WIPF2: variants seen among roughly 807,000 people sequenced by gnomAD.
WIPF2 encodes the protein WAS/WASL interacting protein family member 2, also known as WAS/WASL-interacting protein family member 2.
In WIPF2, 23 loss-of-function variants were observed where a neutral mutation model predicts 38.8. The ratio of observed to expected loss-of-function variants is 0.59; its 90% CI spans 0.43 to 0.84. WIPF2 has a LOEUF of 0.84. Ranked by LOEUF, WIPF2 falls within the 40% of genes least tolerant of loss-of-function variation. The probability of loss-of-function intolerance (pLI) is 0.00; values close to 1 mark genes in which losing one functional copy is unlikely to be tolerated. For synonymous variants in WIPF2, 210 were observed against 223.2 expected (o/e 0.94, Z 0.53); for missense variants, 574 against 580.5 (o/e 0.99, Z 0.11).
chr17:40,260,116 A>G (rs553965995), intron 2 of WIPF2, among the ~76,000 whole-genome samples: 3 of 151,364 alleles, frequency 2.0e-5, no homozygotes, highest in Non-Finnish European at 4.4e-5. Flanking sequence ...ATGAGGTTAG[A>G]TAGACATCTC....
intron 1 of WIPF2, among the ~76,000 whole-genome samples, chr17:40,248,163 CT>C (rs60359132): frequency 0.18 from 8,732 of 47,544 alleles, 813 homozygotes; most frequent in East Asian, 0.28. Flanking sequence ...AAAGTTATTT[CT>C]TTTTTTTTTT....
chr17:40,220,141 AT>A (rs75927307), intron 1 of WIPF2, among the ~76,000 whole-genome samples: 268 of 144,230 alleles, frequency 1.9e-3, no homozygotes, highest in African/African-American at 2.7e-3. Flanking sequence ...GGAAGATGGA[AT>A]TTTTTTTTTT....
In WIPF2 at chr17:40,236,044, C is replaced by T. The variant is rs1195583012; in HGVS notation, c.-70+16552C>T. On this transcript the variant is annotated intron_variant, in intron 1 of 7. Coordinates refer to ENST00000323571, the MANE Select transcript of WIPF2 (RefSeq NM_133264.5). ...TGGGATCTCGGCTCACTGCAACCTC[C>T]GCCTCCCATATTCAAGCGATTCTCC... 2.0e-5 allele frequency among the ~76,000 whole-genome samples: 3 copies of T among 151,738 alleles called. No homozygotes were observed. The South Asian group carries it at 6.3e-4, about 32-fold the overall frequency.
In WIPF2 at chr17:40,278,164, CTTTAT is replaced by C. The variant is rs1356655827; in HGVS notation, c.1283-17_1283-13del. ...GGTGGGTGACCTGTATGTGTGTGGTCTTTATTTTGTTTTTTTTCAGCTGCCCGTGG... is the reference window on the plus strand; with the variant it reads ...GGTGGGTGACCTGTATGTGTGTGGTCTTTGTTTTTTTTCAGCTGCCCGTGG... On this transcript the variant is annotated splice_polypyrimidine_tract_variant and intron_variant, in intron 7 of 7. Transcript: ENST00000323571. The C allele has an allele frequency of 8.1e-6, 13 of 1,609,540 alleles. No homozygotes were observed. The highest frequency in any genetic ancestry group is 1.0e-5 in the Non-Finnish European group (12 of 1,177,928).
chr17:40,263,009 A>G (rs1276309970), intron 4 of WIPF2, among the ~76,000 whole-genome samples: 2 of 152,176 alleles, frequency 1.3e-5, no homozygotes, highest in Non-Finnish European at 2.9e-5. Flanking sequence ...AGTTGAACTC[A>G]CTCGTAGAAG....
intron 1 of WIPF2, among the ~76,000 whole-genome samples, chr17:40,227,108 C>T (rs931588814): frequency 2.0e-5 from 3 of 151,902 alleles, no homozygotes; most frequent in Admixed American, 6.6e-5. Flanking sequence ...GTGGCAAGAT[C>T]TGGGCTCACT....
intron 1 of WIPF2, among the ~76,000 whole-genome samples, chr17:40,247,453 A>G (rs914890326): frequency 5.3e-5 from 8 of 151,130 alleles, no homozygotes; most frequent in African/African-American, 1.7e-4. Context: ...TCCTGACCTC[A>G]AGTGATCCAC....
intron 1 of WIPF2, among the ~76,000 whole-genome samples, chr17:40,224,938 C>T (rs976124448): frequency 6.6e-6 from 1 of 151,838 alleles, no homozygotes; most frequent in Non-Finnish European, 1.5e-5. Context: ...CTTGTTGCTA[C>T]TATTCTTCAC....
In WIPF2 at chr17:40,235,980, A is replaced by T. The variant is rs563945090; in HGVS notation, c.-70+16488A>T. Among the ~76,000 whole-genome samples, 271 of 147,770 alleles carry T rather than the reference A, an allele frequency of 1.8e-3. 2 individuals are homozygous for T. The highest frequency in any genetic ancestry group is 6.5e-3 in the African/African-American group (261 of 39,942). ...TAAAAAAATTTTTTTTTTTTTTGAG[A>T]TGGAGTCTTGCTCTGTCACCCAGGC... On this transcript the variant is annotated intron_variant, in intron 1 of 7. Transcript: ENST00000323571.
chr17:40,267,604 A>G lies in WIPF2; in HGVS notation c.970+2458A>G, dbSNP rs937403787. Among the ~76,000 whole-genome samples the G allele has an allele frequency of 3.3e-5, 5 of 152,210 alleles. No individual in the cohort carries two copies. The East Asian group carries it at 5.8e-4, about 18-fold the overall frequency. On this transcript the variant is annotated intron_variant, in intron 5 of 7. Coordinates refer to ENST00000323571, the MANE Select transcript of WIPF2 (RefSeq NM_133264.5). ...GCCCAGGCTGGAGTGCAGTGGTGCA[A>G]TCTCTGCTCATTGCAACCTCTTCCT...
At chr17:40,256,645 A>G in intron 2 of WIPF2, 123 bp downstream of exon 2, 1 of 1,300,122 alleles carries the variant, frequency 7.7e-7, no homozygotes, top group Non-Finnish European at 1.0e-6. Flanking sequence ...TACTAGTAGC[A>G]TTCCTATTCT....
At chr17:40,238,128 A>G (rs1336051999) in intron 1 of WIPF2, among the ~76,000 whole-genome samples, 1 of 151,316 alleles carries the variant, frequency 6.6e-6, no homozygotes, top group East Asian at 2.0e-4. Flanking sequence ...ACGTGCTGGG[A>G]TTACAGACGT....
At chr17:40,274,210 A>C (rs1408593481) in intron 6 of WIPF2, among the ~76,000 whole-genome samples, 1 of 152,116 alleles carries the variant, frequency 6.6e-6, no homozygotes, top group Admixed American at 6.6e-5. Context: ...GATGCTTTGG[A>C]GTAGATTGAA....
chr17:40,276,336 T>C (rs1003182346), intron 6 of WIPF2, among the ~76,000 whole-genome samples: 3 of 151,876 alleles, frequency 2.0e-5, no homozygotes, highest in African/African-American at 7.3e-5. Flanking sequence ...AAGACCAGCC[T>C]GGCCAACATG....
chr17:40,243,740 A>T (rs1189202010), intron 1 of WIPF2, among the ~76,000 whole-genome samples: 1 of 151,724 alleles, frequency 6.6e-6, no homozygotes, highest in Admixed American at 6.6e-5. Context: ...AGGCTGGTCT[A>T]AAACTCCTGA....
chr17:40,254,977 G>A (rs910438672), intron 1 of WIPF2, among the ~76,000 whole-genome samples: 5 of 152,014 alleles, frequency 3.3e-5, no homozygotes, highest in African/African-American at 1.2e-4. Flanking sequence ...TGATTCACCT[G>A]CCTTCCTCGG....
chr17:40,277,167 C>A lies in WIPF2; in HGVS notation c.1265C>A (p.Pro422His), dbSNP rs767113578. 1 of 1,610,876 alleles carries A rather than the reference C, an allele frequency of 6.2e-7. No individual in the cohort carries two copies. The highest frequency in any genetic ancestry group is 1.1e-5 in the South Asian group (1 of 90,576). The change falls in exon 7 of 8, where the codon CCC (proline) becomes CAC (histidine). Residue 422 changes from proline (P) to histidine (H), a missense_variant. Transcript: ENST00000323571. ...TATAAACACTTTCAGAGGATATATC[C>A]CAGCAAAACAAACCGAGGTGAGAAT... ...EEYKHFQRIY[P>H]SKTNRAARGA...
chr17:40,243,704 A>G (rs2031267930), intron 1 of WIPF2, among the ~76,000 whole-genome samples: 1 of 151,562 alleles, frequency 6.6e-6, no homozygotes, highest in Admixed American at 6.6e-5. Context: ...TTTTTTAAGT[A>G]GAGATGGGGT....
At chr17:40,241,957 A>C (rs558566567) in intron 1 of WIPF2, among the ~76,000 whole-genome samples, 1 of 152,198 alleles carries the variant, frequency 6.6e-6, no homozygotes, top group Non-Finnish European at 1.5e-5. Flanking sequence ...GCAGTGTTGC[A>C]GAGGCTAACT....
Sources: gnomAD v4.1 joint callset for allele counts (sites outside exome capture counted in the v4.1 genomes callset) on GRCh38, gnomAD v4.1.1 for gene constraint, MANE v1.5 for transcripts, NCBI Gene and HGNC (gene_info 2026-07-23, HGNC 2026-07-21) for gene names.